WWC2: variants seen among roughly 807,000 people sequenced by gnomAD.
WWC2 encodes the protein protein WWC2.
WWC2 carries 101 observed loss-of-function variants against 138.5 expected under a neutral mutation model. The observed-to-expected ratio is 0.73, with a 90% CI of 0.62 to 0.86. The LOEUF is 0.86. Among genes scored for constraint, WWC2 ranks in the 40% least tolerant of loss-of-function variants. The pLI is 0.00. For synonymous variants in WWC2, 558 were observed against 538.4 expected, an observed-to-expected ratio of 1.04 and a Z score of -0.50; for missense variants, 1,420 against 1,419.4, an observed-to-expected ratio of 1.00 and a Z score of -0.01.
intron 4 of WWC2, among the ~76,000 whole-genome samples, chr4:183,225,199 G>T (rs1187513057): frequency 6.6e-6 from 1 of 152,154 alleles, no homozygotes; most frequent in Non-Finnish European, 1.5e-5. Flanking sequence ...TTGAACTTGT[G>T]TGTAAGTTCT....
rs530664177 is a variant in WWC2 at position 183,139,937 on chromosome 4, C to T, written c.131+40315C>T. 8.5e-5 allele frequency among the ~76,000 whole-genome samples: 13 copies of T among 152,246 alleles called. No homozygotes were observed. In the South Asian group the frequency reaches 2.7e-3, roughly 32 times the overall value. On this transcript the variant is annotated intron_variant, in intron 1 of 22. Coordinates refer to ENST00000403733, the MANE Select transcript of WWC2 (RefSeq NM_024949.6). ...AAGCAATCCTCCTGCTTCAGCCTCC[C>T]GAGTAGGTGGGATCATAGGTGCACA...
At chr4:183,264,275 C>T (rs1363927425) in intron 11 of WWC2, among the ~76,000 whole-genome samples, 1 of 152,222 alleles carries the variant, frequency 6.6e-6, no homozygotes, top group African/African-American at 2.4e-5. Context: ...CGCTCACTCT[C>T]ACTCACTGGA....
At chr4:183,117,561 G>T (rs897611760) in intron 1 of WWC2, among the ~76,000 whole-genome samples, 4 of 151,188 alleles carry the variant, frequency 2.6e-5, no homozygotes, top group Non-Finnish European at 5.9e-5. Context: ...TTTAAACCCT[G>T]TTGGGTGTCT....
chr4:183,303,060 C>CAAAA lies in WWC2; in HGVS notation c.3385-9264_3385-9261dup, dbSNP rs35439586. The stretch of plus-strand genomic sequence containing the variant: ...TGGGTGACAGAGCGAGACTCCATCT[C>CAAAA]AAAAAAAAAAAAAAAAAAAAGGATT... On this transcript the variant is annotated intron_variant, in intron 21 of 22. Transcript: ENST00000403733. Among the ~76,000 whole-genome samples the CAAAA allele has an allele frequency of 2.1e-3, 175 of 82,528 alleles. 1 individual carries two copies. The highest frequency in any genetic ancestry group is 7.6e-3 in the African/African-American group (158 of 20,798). 54.1% of individuals were successfully genotyped at this position (82,528 alleles called of 152,430 possible). A position where few individuals can be genotyped will look rare whatever the true frequency, so the allele number is the denominator to read the frequency against.
intron 21 of WWC2, 80 bp downstream of exon 21, chr4:183,289,715 C>A: frequency 7.8e-6 from 12 of 1,545,944 alleles, no homozygotes; most frequent in Non-Finnish European, 9.6e-6. Flanking sequence ...ACCCAACTTA[C>A]ACTTCTGTTT....
Position 183,269,078 on chromosome 4 carries a change from T to C in WWC2, c.2315T>C (p.Val772Ala), listed in dbSNP as rs1012676903. Residue 772 changes from valine (V) to alanine (A), a missense_variant, in exon 15 of 23, where the codon GTC (valine) becomes GCC (alanine). Transcript: ENST00000403733. ...ATTTTATTCAATGATGTGTTCAGAGTCGCCATTTCCCAAACAGCCTTACAA... is the reference window on the plus strand; with the variant it reads ...ATTTTATTCAATGATGTGTTCAGAGCCGCCATTTCCCAAACAGCCTTACAA... ...ESILFNDVFRVAISQTALQQK... is the reference protein window; with the variant it reads ...ESILFNDVFRAAISQTALQQK... 1 of 1,613,894 alleles carries C rather than the reference T, an allele frequency of 6.2e-7. No homozygotes were observed. Among genetic ancestry groups the C allele is most frequent in the South Asian group, 1.1e-5 (1 of 91,082 alleles).
intron 2 of WWC2, among the ~76,000 whole-genome samples, chr4:183,205,068 A>G (rs921868114): frequency 6.6e-6 from 1 of 152,210 alleles, no homozygotes; most frequent in African/African-American, 2.4e-5. Flanking sequence ...GTCTTTTTGT[A>G]GATACATATT....
chr4:183,308,442 G>A (rs997946116), intron 21 of WWC2, among the ~76,000 whole-genome samples: 3 of 152,156 alleles, frequency 2.0e-5, no homozygotes, highest in African/African-American at 7.2e-5. Context: ...AAAGTTGGAG[G>A]ACTGACGCTA....
intron 1 of WWC2, among the ~76,000 whole-genome samples, chr4:183,138,699 T>G (rs1657283872): frequency 6.6e-6 from 1 of 152,190 alleles, no homozygotes; most frequent in African/African-American, 2.4e-5. Flanking sequence ...AGGGCCCCAT[T>G]TCCTTTTCTG....
intron 4 of WWC2, among the ~76,000 whole-genome samples, chr4:183,222,098 A>G (rs1469112695): frequency 6.6e-6 from 1 of 152,208 alleles, no homozygotes; most frequent in East Asian, 1.9e-4. Context: ...ATGAATTTCA[A>G]AAACAGTGAA....
chr4:183,185,303 T>C (rs1223432778), intron 1 of WWC2, among the ~76,000 whole-genome samples: 4 of 152,208 alleles, frequency 2.6e-5, no homozygotes, highest in African/African-American at 9.6e-5. Flanking sequence ...AAATCCACAA[T>C]GTTGGTCTCA....
At chr4:183,111,290 A>C (rs138391553) in intron 1 of WWC2, among the ~76,000 whole-genome samples, 5 of 152,310 alleles carry the variant, frequency 3.3e-5, no homozygotes, top group African/African-American at 1.2e-4. Flanking sequence ...AATACGTTGC[A>C]TACTTTATTG....
In WWC2 at chr4:183,260,828, A is replaced by G. The variant is rs1737298296; in HGVS notation, c.1287-82A>G. 5.3e-6 allele frequency: 8 copies of G among 1,512,306 alleles called. No individual in the cohort carries two copies. The South Asian group carries it at 1.0e-4, about 20-fold the overall frequency. The allele number at this position is 1,512,306 out of a possible 1,614,324, so 93.7% of individuals were successfully genotyped here. On this transcript the variant is annotated intron_variant, in intron 10 of 22. Transcript: ENST00000403733. Reference sequence around the variant, plus strand: ...TCTTTAGCAGGTTTCTTCCCTCTGCAGATCTGAAGGAGCCAGTAGAGATTG... The same window carrying G: ...TCTTTAGCAGGTTTCTTCCCTCTGCGGATCTGAAGGAGCCAGTAGAGATTG...
intron 1 of WWC2, among the ~76,000 whole-genome samples, chr4:183,106,413 TA>T (rs370155522): frequency 0.028 from 4,320 of 152,304 alleles, 89 homozygotes; most frequent in South Asian, 0.044. Context: ...TTTATTAGAT[TA>T]AAAAAATTCC....
At chr4:183,310,440 A>G (rs942844677) in intron 21 of WWC2, among the ~76,000 whole-genome samples, 3 of 152,192 alleles carry the variant, frequency 2.0e-5, no homozygotes. Context: ...GTTAATTTTT[A>G]ATAATTATTA....
intron 14 of WWC2, among the ~76,000 whole-genome samples, chr4:183,268,148 T>A (rs1357111792): frequency 6.6e-6 from 1 of 152,162 alleles, no homozygotes; most frequent in Admixed American, 6.5e-5. Context: ...ACAGTTTTTC[T>A]AACGGAGAAA....
intron 1 of WWC2, among the ~76,000 whole-genome samples, chr4:183,105,807 G>A (rs1219056489): frequency 6.6e-6 from 1 of 151,674 alleles, no homozygotes; most frequent in Non-Finnish European, 1.5e-5. Flanking sequence ...GGAGAATGGC[G>A]TGAACCCGGG....
chr4:183,213,280 C>G (rs1037569217), intron 4 of WWC2, among the ~76,000 whole-genome samples: 8 of 152,228 alleles, frequency 5.3e-5, no homozygotes, highest in Non-Finnish European at 7.3e-5. Context: ...GGATGGGTAA[C>G]TTGGCAGAGT....
intron 1 of WWC2, among the ~76,000 whole-genome samples, chr4:183,145,557 A>G (rs982763088): frequency 5.9e-5 from 9 of 152,220 alleles, no homozygotes; most frequent in African/African-American, 2.2e-4. Flanking sequence ...ATATAGCCAC[A>G]TGGGAGAGGG....
Sources: allele counts gnomAD v4.1 joint callset (sites outside exome capture counted in the v4.1 genomes callset), GRCh38; gene constraint gnomAD v4.1.1; transcripts MANE v1.5; gene names NCBI Gene and HGNC (gene_info 2026-07-23, HGNC 2026-07-21).